SND1: variants seen among roughly 807,000 people sequenced by gnomAD.
SND1 encodes the protein staphylococcal nuclease and tudor domain containing 1.
A neutral mutation model predicts 121.7 loss-of-function variants in SND1; 38 were observed. The observed-to-expected ratio is 0.31, with a 90% confidence interval of 0.24 to 0.41. The LOEUF is 0.41. SND1 is among the 10% of genes least tolerant of loss of function. SND1 has a pLI of 1.00. For missense variants in SND1, 868 were observed against 1,184.6 expected (o/e 0.73, Z 3.92); for synonymous variants, 401 against 447.4 (o/e 0.90, Z 1.31).
chr7:127,867,813 G>T (rs2116694463), intron 12 of SND1, among the ~76,000 whole-genome samples: 1 of 151,526 alleles, frequency 6.6e-6, no homozygotes, highest in South Asian at 2.1e-4. Flanking sequence ...ATAACCTTAG[G>T]AGTGGAGTAT....
chr7:127,914,355 T>C (rs1800524128), intron 14 of SND1, among the ~76,000 whole-genome samples: 1 of 152,210 alleles, frequency 6.6e-6, no homozygotes. Context: ...TCTCCCCTGC[T>C]GGCCATGCCT....
At chr7:128,066,425 C>T (rs1793315283) in intron 16 of SND1, among the ~76,000 whole-genome samples, 1 of 152,180 alleles carries the variant, frequency 6.6e-6, no homozygotes, top group Admixed American at 6.5e-5. Context: ...GAAAGAGTTA[C>T]CTGGTCTGGA....
chr7:127,780,803 A>G (rs1053394189), intron 10 of SND1, among the ~76,000 whole-genome samples: 2 of 152,242 alleles, frequency 1.3e-5, no homozygotes, highest in Non-Finnish European at 2.9e-5. Flanking sequence ...GGTCATTTAG[A>G]GCACCAGGCA....
chr7:127,743,644 A>T (rs1236020736), intron 10 of SND1, among the ~76,000 whole-genome samples: 4 of 152,132 alleles, frequency 2.6e-5, no homozygotes, highest in African/African-American at 9.7e-5. Flanking sequence ...TGAAGGTGCT[A>T]GTGTTGATGG....
intron 12 of SND1, 60 bp downstream of exon 12, chr7:127,844,484 TC>T: frequency 2.3e-6 from 3 of 1,318,800 alleles, no homozygotes; most frequent in Non-Finnish European, 3.2e-6. Flanking sequence ...AGTTCTTTGC[TC>T]ATTTGAATCT....
chr7:128,043,826 TTATA>T (rs1001802961), intron 16 of SND1, among the ~76,000 whole-genome samples: 22 of 141,994 alleles, frequency 1.5e-4, no homozygotes, highest in South Asian at 2.3e-4. Context: ...TTGTGTATCT[TTATA>T]TATGTATATA....
intron 10 of SND1, among the ~76,000 whole-genome samples, chr7:127,768,430 C>T (rs1177676650): frequency 6.6e-6 from 1 of 152,118 alleles, no homozygotes; most frequent in Non-Finnish European, 1.5e-5. Flanking sequence ...TTCATAATTT[C>T]CATTTATAAT....
intron 9 of SND1, among the ~76,000 whole-genome samples, chr7:127,712,843 A>G (rs551673476): frequency 6.6e-6 from 1 of 152,352 alleles, no homozygotes; most frequent in South Asian, 2.1e-4. Flanking sequence ...ATTGATGTGT[A>G]ATATTTCATT....
At chr7:127,698,528 A>G (rs1796047340) in intron 3 of SND1, among the ~76,000 whole-genome samples, 2 of 152,148 alleles carry the variant, frequency 1.3e-5, no homozygotes, top group Admixed American at 6.5e-5. Context: ...CCAGGCTTCT[A>G]TTCCTCCAGT....
intron 1 of SND1, among the ~76,000 whole-genome samples, chr7:127,670,140 G>A (rs1795491107): frequency 6.6e-6 from 1 of 151,976 alleles, no homozygotes; most frequent in Non-Finnish European, 1.5e-5. Context: ...ACAGGCGTGT[G>A]CCACTGCATC....
intron 16 of SND1, among the ~76,000 whole-genome samples, chr7:128,003,043 G>A (rs187692276): frequency 6.6e-6 from 1 of 152,142 alleles, no homozygotes; most frequent in Non-Finnish European, 1.5e-5. Flanking sequence ...CCAACATGGC[G>A]AAACCTTGTC....
chr7:128,053,900 G>A (rs371874484), intron 16 of SND1, among the ~76,000 whole-genome samples: 10 of 152,192 alleles, frequency 6.6e-5, no homozygotes, highest in African/African-American at 2.4e-4. Flanking sequence ...CCAGGCCTGT[G>A]GAGTGCAGCA....
chr7:128,008,292 C>T (rs945521073), intron 16 of SND1: 5 of 152,136 alleles, frequency 3.3e-5, no homozygotes, highest in Admixed American at 1.3e-4. Flanking sequence ...AGATTGAGAA[C>T]GTGTGCTAGA....
chr7:127,711,975 G>C (rs188592087), intron 9 of SND1, among the ~76,000 whole-genome samples: 8 of 149,352 alleles, frequency 5.4e-5, no homozygotes, highest in East Asian at 2.0e-4. Flanking sequence ...TTTTTACTGC[G>C]CACTCACTAT....
At chr7:127,825,369 A>C (rs984069964) in intron 11 of SND1, among the ~76,000 whole-genome samples, 1 of 150,756 alleles carries the variant, frequency 6.6e-6, no homozygotes, top group Non-Finnish European at 1.5e-5. Context: ...TTGGCCTCCC[A>C]AAGTGCTGGG....
At chr7:127,772,914 A>G (rs991463682) in intron 10 of SND1, among the ~76,000 whole-genome samples, 2 of 152,234 alleles carry the variant, frequency 1.3e-5, no homozygotes, top group African/African-American at 2.4e-5. Context: ...CTTAACAAGT[A>G]TATTTCACTT....
At chr7:127,787,188 T>C (rs560465921) in intron 10 of SND1, among the ~76,000 whole-genome samples, 1 of 152,334 alleles carries the variant, frequency 6.6e-6, no homozygotes, top group South Asian at 2.1e-4. Flanking sequence ...CCTTTTCTTC[T>C]GTCTTTTTAT....
chr7:127,852,360 C>T, intron 12 of SND1, among the ~76,000 whole-genome samples: 1 of 150,038 alleles, frequency 6.7e-6, no homozygotes, highest in Non-Finnish European at 1.5e-5. Flanking sequence ...AGGGTGTGGG[C>T]ACCTATAATC....
In SND1 at chr7:128,089,574, C is replaced by T. The variant is rs1190725914; in HGVS notation, c.2504C>T (p.Ala835Val). 4 of 1,614,192 alleles carry T rather than the reference C, an allele frequency of 2.5e-6. No individual in the cohort carries two copies. The highest frequency in any genetic ancestry group is 3.4e-6 in the Non-Finnish European group (4 of 1,180,012). Residue 835 changes from alanine (A) to valine (V), a missense_variant, in exon 22 of 24, where the codon GCC becomes GTC. Physicochemically the swap from Ala to Val is moderately conservative, Grantham distance 64. Transcript: ENST00000354725. ...QCLLNVEHLS[A>V]GCPHVTLQFA... ...CTGCTCAACGTGGAACACCTGAGTGCCGGCTGCCCCCATGTCACCCTGCAG... is the reference window on the plus strand; with the variant it reads ...CTGCTCAACGTGGAACACCTGAGTGTCGGCTGCCCCCATGTCACCCTGCAG...
Sources: allele counts gnomAD v4.1 joint callset (sites outside exome capture counted in the v4.1 genomes callset), GRCh38; gene constraint gnomAD v4.1.1; transcripts MANE v1.5; gene names NCBI Gene and HGNC (gene_info 2026-07-23, HGNC 2026-07-21).